AKR1C8: variants seen among roughly 807,000 people sequenced by gnomAD.
AKR1C8 encodes the protein aldo-keto reductase family 1 member C-like protein 1.
At chr10:5,179,074 C>T in the AKR1C8 span, among the ~76,000 whole-genome samples, 7 of 152,216 alleles carry the variant, frequency 4.6e-5, no homozygotes, top group South Asian at 4.2e-4. Flanking sequence ...TTCCTAGCCT[C>T]GATGGTCTTT....
the AKR1C8 span, among the ~76,000 whole-genome samples, chr10:5,144,324 T>A: frequency 6.6e-6 from 1 of 152,228 alleles, no homozygotes; most frequent in Non-Finnish European, 1.5e-5. Flanking sequence ...TCCAGCTTTC[T>A]TCTTTTGGCT....
At chr10:5,133,413 G>A in the AKR1C8 span, among the ~76,000 whole-genome samples, 1 of 152,094 alleles carries the variant, frequency 6.6e-6, no homozygotes, top group African/African-American at 2.4e-5. Context: ...TTTTAATATA[G>A]TGAAATTAAC....
chr10:5,140,622 A>T, the AKR1C8 span, among the ~76,000 whole-genome samples: 2 of 151,740 alleles, frequency 1.3e-5, no homozygotes, highest in Non-Finnish European at 2.9e-5. Flanking sequence ...ACAGGGCGGG[A>T]AACATCACAC....
the AKR1C8 span, among the ~76,000 whole-genome samples, chr10:5,116,328 G>A: frequency 6.6e-4 from 101 of 152,104 alleles, no homozygotes; most frequent in African/African-American, 2.2e-3. Flanking sequence ...CGGTGGCAGC[G>A]TTCTTCCCTC....
At chr10:5,159,679 G>A in the AKR1C8 span, among the ~76,000 whole-genome samples, 1 of 152,138 alleles carries the variant, frequency 6.6e-6, no homozygotes, top group Non-Finnish European at 1.5e-5. Flanking sequence ...CCACATGGCT[G>A]TCTCATAGAA....
chr10:5,172,357 G>GT, the AKR1C8 span, among the ~76,000 whole-genome samples: 1 of 151,866 alleles, frequency 6.6e-6, no homozygotes, highest in Non-Finnish European at 1.5e-5. Flanking sequence ...ACCACATAAG[G>GT]TTTTTTAAAT....
the AKR1C8 span, chr10:5,132,488 T>C: frequency 9.8e-7 from 1 of 1,018,376 alleles, no homozygotes; most frequent in Non-Finnish European, 1.3e-6. Flanking sequence ...TATGTGTCAA[T>C]AAATTGGAAC....
chr10:5,124,695 TATGTTGTGGAA>T, the AKR1C8 span, among the ~76,000 whole-genome samples: 1 of 152,244 alleles, frequency 6.6e-6, no homozygotes, highest in Middle Eastern at 3.4e-3. Flanking sequence ...TATGTGGAAA[TATGTTGTGGAA>T]TATAACTTTA....
the AKR1C8 span, among the ~76,000 whole-genome samples, chr10:5,136,471 T>C: frequency 0.39 from 59,516 of 151,882 alleles, 12,462 homozygotes; most frequent in Non-Finnish European, 0.43. Flanking sequence ...AAGTTCAACC[T>C]GGGAGGCAGA....
the AKR1C8 span, among the ~76,000 whole-genome samples, chr10:5,183,228 G>A: frequency 2.0e-5 from 3 of 152,102 alleles, no homozygotes; most frequent in South Asian, 6.2e-4. Flanking sequence ...CAATATTCTA[G>A]TTCTGAACAA....
chr10:5,151,658 GT>G, the AKR1C8 span, among the ~76,000 whole-genome samples: 1 of 149,312 alleles, frequency 6.7e-6, no homozygotes, highest in South Asian at 2.1e-4. Context: ...CTGGGTTCAA[GT>G]GATTCTCCTA....
chr10:5,172,625 G>A, the AKR1C8 span, among the ~76,000 whole-genome samples: 3 of 151,952 alleles, frequency 2.0e-5, no homozygotes, highest in Non-Finnish European at 2.9e-5. Context: ...TATAGTATTT[G>A]GCAGAGATAA....
chr10:5,132,561 A>C, the AKR1C8 span: 14 of 1,448,274 alleles, frequency 9.7e-6, no homozygotes, highest in East Asian at 2.4e-5. Context: ...ACACTATCAC[A>C]TTAAATACAT....
chr10:5,175,131 C>G, the AKR1C8 span, among the ~76,000 whole-genome samples: 1 of 141,852 alleles, frequency 7.0e-6, no homozygotes, highest in African/African-American at 2.6e-5. Flanking sequence ...CCCCCTCCCC[C>G]AACCCCGCAA....
At chr10:5,172,344 G>A in the AKR1C8 span, among the ~76,000 whole-genome samples, 1 of 151,938 alleles carries the variant, frequency 6.6e-6, no homozygotes, top group East Asian at 1.9e-4. Context: ...AGGACAAGAA[G>A]TTACCACATA....
At chr10:5,158,480 C>G in the AKR1C8 span, 1 of 376,198 alleles carries the variant, frequency 2.7e-6, no homozygotes, top group South Asian at 2.2e-5. Context: ...TACACCGTTG[C>G]TTTTCGCTTT....
the AKR1C8 span, among the ~76,000 whole-genome samples, chr10:5,163,631 T>G: frequency 6.6e-6 from 1 of 152,114 alleles, no homozygotes; most frequent in Non-Finnish European, 1.5e-5. Flanking sequence ...ATAAAAAAGT[T>G]AGTAAGTTAG....
the AKR1C8 span, among the ~76,000 whole-genome samples, chr10:5,136,079 T>C: frequency 6.7e-4 from 102 of 152,334 alleles, no homozygotes; most frequent in African/African-American, 2.4e-3. Context: ...ATCTTTCACA[T>C]AGTTTTATAA....
chr10:5,128,014 T>C, the AKR1C8 span, among the ~76,000 whole-genome samples: 4 of 152,082 alleles, frequency 2.6e-5, no homozygotes, highest in African/African-American at 9.6e-5. Flanking sequence ...AAGGAAATAA[T>C]CCTAAGAGAG....
Sources: allele counts gnomAD v4.1 joint callset (sites outside exome capture counted in the v4.1 genomes callset), GRCh38; gene constraint gnomAD v4.1.1; transcripts MANE v1.5; gene names NCBI Gene and HGNC (gene_info 2026-07-23, HGNC 2026-07-21).